The following CEP162 variants were observed in gnomAD, a reference collection of about 807,000 sequenced individuals.
The protein encoded by CEP162 is centrosomal protein of 162 kDa.
A neutral mutation model predicts 169.2 loss-of-function variants in CEP162; 141 were observed. The observed-to-expected ratio is 0.83, with a 90% confidence interval of 0.73 to 0.96. CEP162 has a LOEUF of 0.96. Among genes scored for constraint, CEP162 ranks in the 40% least tolerant of loss-of-function variants. The pLI is 0.00. For missense variants in CEP162, 1,600 were observed against 1,587.2 expected (o/e 1.01, Z -0.14); for synonymous variants, 540 against 526.4 (o/e 1.03, Z -0.35).
chr6:84,169,665 T>A lies in CEP162; in HGVS notation c.2280-232A>T, dbSNP rs998596824. Among the ~76,000 whole-genome samples the A allele has an allele frequency of 6.6e-5, 10 of 152,242 alleles. No homozygotes were observed. The South Asian group carries it at 2.1e-3, about 32-fold the overall frequency. On this transcript the variant is annotated intron_variant, in intron 17 of 26. Transcript: ENST00000403245. ...TAAAAGAACTGAAACCTAAGATTAT[T>A]GGTTTATTTATAATATAAAAATATT...
intron 3 of CEP162, among the ~76,000 whole-genome samples, chr6:84,218,828 T>C (rs890858787): frequency 2.0e-5 from 3 of 152,196 alleles, no homozygotes; most frequent in Non-Finnish European, 2.9e-5. Flanking sequence ...AATGAAAAAG[T>C]ATATGCCAAG....
chr6:84,149,507 T>G, intron 24 of CEP162, 55 bp downstream of exon 24: 2 of 1,415,406 alleles, frequency 1.4e-6, no homozygotes, highest in Non-Finnish European at 1.9e-6. Context: ...TTTAATCTCA[T>G]TAAAGTCAAA....
At chr6:84,185,521 G>C in intron 12 of CEP162, 73 bp from the exon 13 acceptor site, 1 of 1,293,848 alleles carries the variant, frequency 7.7e-7, no homozygotes, top group East Asian at 2.4e-5. Context: ...ATATTTAATA[G>C]ATGGCAAAAC....
intron 6 of CEP162, among the ~76,000 whole-genome samples, chr6:84,212,251 G>A (rs2099549782): frequency 6.6e-6 from 1 of 152,098 alleles, no homozygotes; most frequent in Admixed American, 6.6e-5. Flanking sequence ...ACTGGGAATG[G>A]TAAATATATG....
intron 9 of CEP162, among the ~76,000 whole-genome samples, chr6:84,195,618 C>A (rs1217274813): frequency 4.6e-5 from 7 of 152,218 alleles, no homozygotes; most frequent in Non-Finnish European, 7.3e-5. Context: ...ATCTTTTTCA[C>A]TTTATCTTAG....
In CEP162 at chr6:84,217,161, G is replaced by A. The variant is rs575818890; in HGVS notation, c.173-1239C>T. The stretch of plus-strand genomic sequence containing the variant: ...CACCAGGCATTGTTCTAAATGCTGG[G>A]GCTTTATCAGTGAATAAAAAAAAAC... On this transcript the variant is annotated intron_variant, in intron 3 of 26. Transcript: ENST00000403245. Among the ~76,000 whole-genome samples, 80 of 151,968 alleles carry A rather than the reference G, an allele frequency of 5.3e-4. 1 individual carries two copies. Among genetic ancestry groups the A allele is most frequent in the African/African-American group, 1.9e-3 (77 of 41,420 alleles).
At position 84,174,093 on chromosome 6, in the gene CEP162, T is replaced by C. The variant is rs767811526; in HGVS notation, c.2121A>G (p.Gln707=). 3 of 1,612,468 alleles carry C rather than the reference T, an allele frequency of 1.9e-6. No homozygotes were observed. Among genetic ancestry groups the C allele is most frequent in the Non-Finnish European group, 8.5e-7 (1 of 1,178,974 alleles). Residue 707 remains glutamine, a synonymous_variant, in exon 16 of 27, where the codon CAA becomes CAG. Coordinates refer to ENST00000403245, the MANE Select transcript of CEP162 (RefSeq NM_014895.4). Reference sequence around the variant, plus strand: ...GTGTCTCTTGTTCTTGTATTTCTTTTTGGATTTGCTTCAACTTTTCTCCAG... The same window carrying C: ...GTGTCTCTTGTTCTTGTATTTCTTTCTGGATTTGCTTCAACTTTTCTCCAG... ...PVTGEKLKQI[Q]KEIQEQETLL...
intron 7 of CEP162, among the ~76,000 whole-genome samples, chr6:84,202,518 C>CT (rs70987776): frequency 0.022 from 1,982 of 90,726 alleles, 175 homozygotes; most frequent in Non-Finnish European, 0.027. Context: ...TTCTTTCTTT[C>CT]TTTTTTTTTT....
chr6:84,224,175 A>C (rs902949578), intron 2 of CEP162, among the ~76,000 whole-genome samples: 2 of 152,234 alleles, frequency 1.3e-5, no homozygotes, highest in East Asian at 3.8e-4. Context: ...AAAATGTGGT[A>C]CATCTACACA....
chr6:84,162,000 C>A, intron 19 of CEP162, 91 bp from the exon 20 acceptor site: 1 of 777,154 alleles, frequency 1.3e-6, no homozygotes, highest in Non-Finnish European at 2.0e-6. Flanking sequence ...AAACCAATGC[C>A]CATCTAATGA....
At chr6:84,162,731 G>A (rs114051152) in intron 19 of CEP162, among the ~76,000 whole-genome samples, 51 of 152,054 alleles carry the variant, frequency 3.4e-4, no homozygotes, top group African/African-American at 1.2e-3. Context: ...CTTGGTTTTC[G>A]TAGTAGGGAC....
intron 18 of CEP162, among the ~76,000 whole-genome samples, chr6:84,168,878 G>A (rs1274312313): frequency 1.3e-5 from 2 of 152,170 alleles, no homozygotes; most frequent in South Asian, 2.1e-4. Context: ...TACAGTCTCT[G>A]CTCTCTAGAA....
intron 18 of CEP162, 28 bp downstream of exon 18, chr6:84,169,300 T>C (rs1352681184): frequency 8.0e-7 from 1 of 1,244,552 alleles, no homozygotes; most frequent in Admixed American, 2.4e-5. Context: ...TTATTATCCC[T>C]AATAGTCAAA....
chr6:84,223,131 C>T (rs1324433520), intron 2 of CEP162, among the ~76,000 whole-genome samples: 2 of 152,152 alleles, frequency 1.3e-5, no homozygotes, highest in East Asian at 1.9e-4. Context: ...GATAAGTGTT[C>T]TTACTTTAAA....
chr6:84,172,840 G>A (rs918026051), intron 16 of CEP162, among the ~76,000 whole-genome samples: 83 of 152,236 alleles, frequency 5.5e-4, no homozygotes, highest in African/African-American at 2.0e-3. Flanking sequence ...TGTAATGAGA[G>A]ACAAGAAAGG....
At chr6:84,194,368 GA>G (rs1562067751) in intron 10 of CEP162, among the ~76,000 whole-genome samples, 1 of 143,516 alleles carries the variant, frequency 7.0e-6, no homozygotes, top group African/African-American at 2.7e-5. Flanking sequence ...AAAAAAAAAA[GA>G]AAAGAAAAGA....
intron 13 of CEP162, among the ~76,000 whole-genome samples, chr6:84,176,953 A>T (rs1167605059): frequency 6.6e-6 from 1 of 152,068 alleles, no homozygotes; most frequent in Non-Finnish European, 1.5e-5. Flanking sequence ...ATTTTTTAAA[A>T]ATTTTAATAA....
chr6:84,145,537 C>A (rs1281710773), intron 25 of CEP162, among the ~76,000 whole-genome samples: 1 of 152,010 alleles, frequency 6.6e-6, no homozygotes, highest in Admixed American at 6.6e-5. Flanking sequence ...TGTAACACAC[C>A]CTTGTAGATA....
At chr6:84,200,676 A>T in intron 9 of CEP162, 113 bp downstream of exon 9, 1 of 451,020 alleles carries the variant, frequency 2.2e-6, no homozygotes, top group Non-Finnish European at 4.0e-6. Context: ...TGTCAGATTT[A>T]AAGTTTTCAT....
Sources: gnomAD v4.1 joint callset for allele counts (sites outside exome capture counted in the v4.1 genomes callset) on GRCh38, gnomAD v4.1.1 for gene constraint, MANE v1.5 for transcripts, NCBI Gene and HGNC (gene_info 2026-07-23, HGNC 2026-07-21) for gene names.